Variants in TRPC4 observed in about 807,000 individuals in gnomAD.
TRPC4 encodes transient receptor potential cation channel subfamily C member 4.
In TRPC4, 49 loss-of-function variants were observed where a neutral mutation model predicts 99.4. That is an observed-to-expected ratio of 0.49 (90% confidence interval 0.39 to 0.63). TRPC4 has a LOEUF of 0.63. TRPC4 is among the 20% of genes least tolerant of loss of function. The pLI is 0.00. For missense variants in TRPC4, 898 were observed against 1,152.9 expected, an observed-to-expected ratio of 0.78 and a Z score of 3.20; for synonymous variants, 454 against 425.9, an observed-to-expected ratio of 1.07 and a Z score of -0.81.
intron 4 of TRPC4, among the ~76,000 whole-genome samples, chr13:37,677,799 A>C (rs1400078274): frequency 1.3e-5 from 2 of 152,162 alleles, no homozygotes; most frequent in Non-Finnish European, 2.9e-5. Flanking sequence ...CAACACTACC[A>C]ACAACATGAG....
intron 1 of TRPC4, among the ~76,000 whole-genome samples, chr13:37,856,825 G>A (rs991703192): frequency 1.3e-5 from 2 of 151,466 alleles, no homozygotes; most frequent in African/African-American, 4.8e-5. Flanking sequence ...TTCTGAAAAA[G>A]TATTTAATAA....
intron 3 of TRPC4, among the ~76,000 whole-genome samples, chr13:37,727,441 T>G (rs911521878): frequency 3.3e-5 from 5 of 151,890 alleles, no homozygotes; most frequent in African/African-American, 1.2e-4. Flanking sequence ...AGGGGGAAAT[T>G]TATGCCTATA....
At chr13:37,829,135 A>T (rs1194573416) in intron 1 of TRPC4, among the ~76,000 whole-genome samples, 1 of 152,174 alleles carries the variant, frequency 6.6e-6, no homozygotes, top group Non-Finnish European at 1.5e-5. Flanking sequence ...CAAAATTAAA[A>T]CGCTTTTCCT....
At chr13:37,770,996 A>G (rs994286018) in intron 2 of TRPC4, among the ~76,000 whole-genome samples, 2 of 151,632 alleles carry the variant, frequency 1.3e-5, no homozygotes, top group African/African-American at 4.8e-5. Context: ...GTGTCTTACA[A>G]AATTTGATAT....
intron 1 of TRPC4, among the ~76,000 whole-genome samples, chr13:37,835,777 C>T (rs994172840): frequency 5.9e-5 from 9 of 152,178 alleles, no homozygotes; most frequent in South Asian, 2.1e-4. Flanking sequence ...ACAGCATACT[C>T]GTATGCACAA....
At chr13:37,781,242 T>C (rs1956830987) in intron 2 of TRPC4, among the ~76,000 whole-genome samples, 1 of 152,138 alleles carries the variant, frequency 6.6e-6, no homozygotes, top group Middle Eastern at 3.2e-3. Context: ...ATCAAAAACA[T>C]GTTCCATGGC....
Position 37,634,357 on chromosome 13 carries a change from G to C in TRPC4, c.*2546C>G, listed in dbSNP as rs902347901. Among the ~76,000 whole-genome samples, 1 of 152,004 alleles carries C rather than the reference G, an allele frequency of 6.6e-6. No homozygotes were observed. Among genetic ancestry groups the C allele is most frequent in the Non-Finnish European group, 1.5e-5 (1 of 67,978 alleles). On this transcript the variant is annotated 3_prime_UTR_variant, in exon 11 of 11. Coordinates refer to ENST00000379705, the MANE Select transcript of TRPC4 (RefSeq NM_016179.4). ...GTATTTAGAATAGCATTCAATTCTA[G>C]TGATATTAGTAACATCGGGTACTAA...
chr13:37,663,629 A>G lies in TRPC4; in HGVS notation c.1475T>C (p.Leu492Pro). 6.2e-7 allele frequency: 1 copy of G among 1,614,214 alleles called. No homozygotes were observed. Residue 492 changes from leucine (L) to proline (P), a missense_variant, in exon 6 of 11, where the codon CTG becomes CCG. Leu to Pro is a moderately conservative substitution (Grantham distance 98, BLOSUM62 -3). Coordinates refer to ENST00000379705, the MANE Select transcript of TRPC4 (RefSeq NM_016179.4). Reference sequence around the variant, plus strand: ...AGAATTTGCAGTAAACAGTGAGATCAGACGCAGAGAACTGAAGATGTTTGC... The same window carrying G: ...AGAATTTGCAGTAAACAGTGAGATCGGACGCAGAGAACTGAAGATGTTTGC... ...AIANIFSSLR[L>P]ISLFTANSHL...
intron 1 of TRPC4, among the ~76,000 whole-genome samples, chr13:37,796,641 C>G (rs78165559): frequency 0.019 from 2,851 of 152,100 alleles, 90 homozygotes; most frequent in African/African-American, 0.065. Context: ...ATATTAGTAC[C>G]TCAGATCTGA....
rs1952514557 is a variant in TRPC4, at chr13:37,663,278, A to C, written c.1688+138T>G. ...TTTCATTTCTATTCAAAGCCATGTT[A>C]ATTCTGTTTTCTGCATTAAGCACAA... On this transcript the variant is annotated intron_variant, in intron 6 of 10. Transcript: ENST00000379705. The C allele has an allele frequency of 4.4e-6, 3 of 686,942 alleles. No homozygotes were observed. The East Asian group carries it at 8.8e-5, about 20-fold the overall frequency. The allele number at this position is 686,942 out of a possible 1,614,324, so 42.6% of individuals were successfully genotyped here. A position where few individuals can be genotyped will look rare whatever the true frequency, so the allele number is the denominator to read the frequency against.
Position 37,771,889 on chromosome 13 carries a change from T to G in TRPC4, c.378+11067A>C, listed in dbSNP as rs577626968. On this transcript the variant is annotated intron_variant, in intron 2 of 10. Transcript: ENST00000379705. Reference sequence around the variant, plus strand: ...GTACCAGATACAATTGATGACAGATTCCAGAGTTCACAATGCTTCAAGAGT... The same window carrying G: ...GTACCAGATACAATTGATGACAGATGCCAGAGTTCACAATGCTTCAAGAGT... Among the ~76,000 whole-genome samples, 44 of 151,716 alleles carry G rather than the reference T, an allele frequency of 2.9e-4. 1 individual carries two copies. In the South Asian group the frequency reaches 4.4e-3, roughly 15 times the overall value.
At chr13:37,682,146 A>G (rs1386950396) in intron 4 of TRPC4, among the ~76,000 whole-genome samples, 1 of 152,158 alleles carries the variant, frequency 6.6e-6, no homozygotes, top group Non-Finnish European at 1.5e-5. Context: ...ACTTACACCA[A>G]TAGTAAACAA....
At chr13:37,739,914 A>G (rs1289026378) in intron 3 of TRPC4, among the ~76,000 whole-genome samples, 1 of 152,198 alleles carries the variant, frequency 6.6e-6, no homozygotes, top group Non-Finnish European at 1.5e-5. Context: ...TAGGAAAGGT[A>G]TATTTTAGAC....
At chr13:37,694,710 G>A (rs559877844) in intron 3 of TRPC4, among the ~76,000 whole-genome samples, 3 of 152,072 alleles carry the variant, frequency 2.0e-5, no homozygotes, top group East Asian at 3.9e-4. Flanking sequence ...AACAGTATAC[G>A]TAATTTTACG....
At chr13:37,775,542 G>T (rs1046184315) in intron 2 of TRPC4, among the ~76,000 whole-genome samples, 5 of 151,254 alleles carry the variant, frequency 3.3e-5, no homozygotes, top group African/African-American at 1.2e-4. Flanking sequence ...TGATGATAAA[G>T]TCAAGGCTCA....
intron 1 of TRPC4, among the ~76,000 whole-genome samples, chr13:37,795,012 A>C (rs592781): frequency 0.99 from 150,073 of 152,206 alleles, 74,023 homozygotes; most frequent in East Asian, 1. Flanking sequence ...ATGTTTTATA[A>C]GATGCAATTA....
intron 1 of TRPC4, among the ~76,000 whole-genome samples, chr13:37,833,692 G>A (rs1958484808): frequency 6.6e-6 from 1 of 152,056 alleles, no homozygotes; most frequent in African/African-American, 2.4e-5. Flanking sequence ...CGCCTCAACT[G>A]TCAGAAGAAT....
At chr13:37,835,481 T>C (rs1347493161) in intron 1 of TRPC4, among the ~76,000 whole-genome samples, 1 of 152,170 alleles carries the variant, frequency 6.6e-6, no homozygotes, top group Non-Finnish European at 1.5e-5. Context: ...ACAAACACCA[T>C]GGGTTTCTTT....
chr13:37,718,952 T>A (rs1169009654), intron 3 of TRPC4, among the ~76,000 whole-genome samples: 2 of 151,224 alleles, frequency 1.3e-5, no homozygotes, highest in Non-Finnish European at 2.9e-5. Flanking sequence ...AGAATAACAA[T>A]GAAGAAAACT....
Sources: gnomAD v4.1 joint callset for allele counts (sites outside exome capture counted in the v4.1 genomes callset) on GRCh38, gnomAD v4.1.1 for gene constraint, MANE v1.5 for transcripts, NCBI Gene and HGNC (gene_info 2026-07-23, HGNC 2026-07-21) for gene names.